Variants in CAPRIN2 observed in about 807,000 individuals in gnomAD.
The protein encoded by CAPRIN2 is caprin-2.
In CAPRIN2, 66 loss-of-function variants were observed where a neutral mutation model predicts 130.4. That is an observed-to-expected ratio of 0.51 (90% CI 0.42 to 0.62). CAPRIN2 has a LOEUF of 0.62. CAPRIN2 is among the 20% of genes least tolerant of loss of function. The pLI is 0.00. For missense variants in CAPRIN2, 1,185 were observed against 1,246.6 expected, an observed-to-expected ratio of 0.95 and a Z score of 0.74; for synonymous variants, 471 against 444.1, an observed-to-expected ratio of 1.06 and a Z score of -0.76.
At chr12:30,721,441 C>T (rs1182844822) in intron 11 of CAPRIN2, among the ~76,000 whole-genome samples, 2 of 152,154 alleles carry the variant, frequency 1.3e-5, no homozygotes. Flanking sequence ...CTACATAAAT[C>T]AGAATGGCAC....
rs2060293303 is a variant in CAPRIN2 at position 30,724,417 on chromosome 12, G to C, written c.1940C>G (p.Ala647Gly). 1.9e-6 allele frequency: 3 copies of C among 1,612,762 alleles called. No individual in the cohort carries two copies. The African/African-American group carries it at 4.0e-5, about 22-fold the overall frequency. Reference sequence around the variant, plus strand: ...TGAAGGCGGTTGTGACGTTGGAATTGCACTTGAAGGTTTGTCAAAGTCAAG... The same window carrying C: ...TGAAGGCGGTTGTGACGTTGGAATTCCACTTGAAGGTTTGTCAAAGTCAAG... Residue 647 changes from alanine (A) to glycine (G), a missense_variant, in exon 10 of 17, where the codon GCA becomes GGA. Coordinates refer to ENST00000298892, the Ensembl canonical transcript of CAPRIN2.
chr12:30,741,788 T>C lies in CAPRIN2; in HGVS notation c.484-682A>G, dbSNP rs531633547. Among the ~76,000 whole-genome samples, 14 of 152,140 alleles carry C rather than the reference T, an allele frequency of 9.2e-5. No homozygotes were observed. The South Asian group carries it at 2.7e-3, about 29-fold the overall frequency. ...AGCCTCAGTAATTAAAATAGTAAAG[T>C]ATTACACTCCAAGGTATCTACCCAA... On this transcript the variant is annotated intron_variant, in intron 2 of 16. Transcript: ENST00000298892.
intron 2 of CAPRIN2, 53 bp downstream of exon 3, chr12:30,751,018 T>G: frequency 1.5e-6 from 2 of 1,320,406 alleles, no homozygotes; most frequent in South Asian, 1.2e-5. Flanking sequence ...CCATGTAGTT[T>G]TATTAAGAAA....
chr12:30,748,573 T>G (rs1172720998), intron 2 of CAPRIN2, among the ~76,000 whole-genome samples: 1 of 152,236 alleles, frequency 6.6e-6, no homozygotes. Context: ...CTTGCTTTAT[T>G]GCAATCTTCA....
chr12:30,749,970 G>T (rs536947642), intron 2 of CAPRIN2, among the ~76,000 whole-genome samples: 1 of 152,022 alleles, frequency 6.6e-6, no homozygotes, highest in Non-Finnish European at 1.5e-5. Context: ...CCCTCTCCCC[G>T]ATGTTTCTTA....
intron 12 of CAPRIN2, 23 bp downstream of exon 14, chr12:30,719,056 C>A (rs2058551249): frequency 6.2e-7 from 1 of 1,605,004 alleles, no homozygotes; most frequent in Non-Finnish European, 8.5e-7. Context: ...GAACTGCAAT[C>A]ATCATTCATG....
chr12:30,735,834 T>C (rs1054852383), intron 3 of CAPRIN2, among the ~76,000 whole-genome samples: 1 of 151,902 alleles, frequency 6.6e-6, no homozygotes, highest in Non-Finnish European at 1.5e-5. Flanking sequence ...ATACAGAAAA[T>C]CAATGGAGCT....
At chr12:30,742,887 C>T (rs1053177820) in intron 2 of CAPRIN2, among the ~76,000 whole-genome samples, 1 of 151,984 alleles carries the variant, frequency 6.6e-6, no homozygotes, top group Non-Finnish European at 1.5e-5. Flanking sequence ...ATAATAAAAA[C>T]GTACAGAGAT....
chr12:30,743,093 T>C (rs2068255280), intron 2 of CAPRIN2, among the ~76,000 whole-genome samples: 1 of 151,984 alleles, frequency 6.6e-6, no homozygotes, highest in South Asian at 2.1e-4. Context: ...ATTTTTCCTT[T>C]CTTTACTAAG....
At chr12:30,740,457 AAG>A in intron 3 of CAPRIN2, among the ~76,000 whole-genome samples, 1 of 152,288 alleles carries the variant, frequency 6.6e-6, no homozygotes, top group East Asian at 1.9e-4. Context: ...CTTCACTGAG[AAG>A]TGTTTAAGAC....
chr12:30,713,421 G>A (rs1340799023), intron 15 of CAPRIN2, among the ~76,000 whole-genome samples: 2 of 152,152 alleles, frequency 1.3e-5, no homozygotes, highest in East Asian at 1.9e-4. Context: ...CATGGGCTCT[G>A]GAGTAAGAAA....
chr12:30,709,783 C>A, exon 17 of CAPRIN2: 1 of 1,179,630 alleles, frequency 8.5e-7, no homozygotes, highest in Non-Finnish European at 1.2e-6. Context: ...GTAAGGACCT[C>A]CTCCCTCTAG....
chr12:30,740,565 A>T (rs1248502388), intron 3 of CAPRIN2, among the ~76,000 whole-genome samples: 5 of 152,194 alleles, frequency 3.3e-5, no homozygotes, highest in Non-Finnish European at 7.4e-5. Context: ...TCTATTTAAC[A>T]TGAGTCATTA....
rs2053771080 is a variant in CAPRIN2 at position 30,710,020 on chromosome 12, T to C, written c.3116A>G (p.His1039Arg). 1.2e-6 allele frequency: 2 copies of C among 1,614,186 alleles called. No individual in the cohort carries two copies. The highest frequency in any genetic ancestry group is 1.7e-6 in the Non-Finnish European group (2 of 1,180,036). The stretch of plus-strand genomic sequence containing the variant: ...TCCCTGGAAGAGCTGAAGAATTGCA[T>C]GATTGCTAGCAGTTTCATGGTCTGG... Residue 1039 changes from histidine (H) to arginine (R), a missense_variant, in exon 17 of 17, where the codon CAT (histidine) becomes CGT (arginine). By Grantham distance (29) the His-to-Arg change is conservative (BLOSUM62 0). Coordinates refer to ENST00000298892, the Ensembl canonical transcript of CAPRIN2. The surrounding 1 kb of genome is among the most constrained non-coding windows in gnomAD (Gnocchi z 4.8).
exon 17 of CAPRIN2, chr12:30,709,808 T>C: frequency 1.1e-5 from 16 of 1,421,484 alleles, no homozygotes; most frequent in Non-Finnish European, 1.5e-5. Context: ...AAAAACATTT[T>C]CCTAAACCAA....
chr12:30,727,632 T>C (rs1213620987), intron 8 of CAPRIN2, among the ~76,000 whole-genome samples: 1 of 152,232 alleles, frequency 6.6e-6, no homozygotes, highest in Non-Finnish European at 1.5e-5. Context: ...AACCCTAACA[T>C]AGCACTGTAC....
chr12:30,747,887 G>A lies in CAPRIN2; in HGVS notation c.483+3184C>T, dbSNP rs553346147. On this transcript the variant is annotated intron_variant, in intron 2 of 16. Coordinates refer to ENST00000298892, the Ensembl canonical transcript of CAPRIN2. The stretch of plus-strand genomic sequence containing the variant: ...TTGGGAAAAGCTGACTCTAACACTC[G>A]TGGATGACTCTGAGGGGGTTCAGAA... 5.3e-5 allele frequency among the ~76,000 whole-genome samples: 8 copies of A among 152,254 alleles called. No individual in the cohort carries two copies. The South Asian group carries it at 1.0e-3, about 20-fold the overall frequency.
At position 30,710,640 on chromosome 12, in the gene CAPRIN2, T is replaced by C; in HGVS notation, c.2666-170A>G. 1 of 960,882 alleles carries C rather than the reference T, an allele frequency of 1.0e-6. No homozygotes were observed. Among genetic ancestry groups the C allele is most frequent in the Non-Finnish European group, 1.5e-6 (1 of 668,164 alleles). 59.5% of individuals were successfully genotyped at this position (960,882 alleles called of 1,614,324 possible). Reference sequence around the variant, plus strand: ...TTTCTAGATTTTTCTGGTAATAGGTTTTTACATACTCTTCTAAAGCCAGAA... The same window carrying C: ...TTTCTAGATTTTTCTGGTAATAGGTCTTTACATACTCTTCTAAAGCCAGAA... On this transcript the variant is annotated intron_variant, in intron 16 of 16. Transcript: ENST00000298892. The surrounding 1 kb of genome is among the most constrained non-coding windows in gnomAD (Gnocchi z 4.8).
intron 2 of CAPRIN2, among the ~76,000 whole-genome samples, chr12:30,748,001 C>G (rs983037352): frequency 6.6e-6 from 1 of 152,148 alleles, no homozygotes; most frequent in Non-Finnish European, 1.5e-5. Flanking sequence ...GCTGCAATCT[C>G]AGGATAAACT....
Sources: allele counts gnomAD v4.1 joint callset (sites outside exome capture counted in the v4.1 genomes callset), GRCh38; gene constraint gnomAD v4.1.1; non-coding constraint Gnocchi (gnomAD v3.1); transcripts MANE v1.5; gene names NCBI Gene and HGNC (gene_info 2026-07-23, HGNC 2026-07-21).